The following GRIA4 variants were observed in gnomAD, a reference collection of about 807,000 sequenced individuals.
The protein encoded by GRIA4 is glutamate receptor 4.
In GRIA4, 34 loss-of-function variants were observed where a neutral mutation model predicts 104.0. That is an observed-to-expected ratio of 0.33 (90% CI 0.25 to 0.44). The LOEUF (loss-of-function observed/expected upper bound fraction) is 0.44. Ranked by LOEUF, GRIA4 falls within the 20% of genes least tolerant of loss-of-function variation. The pLI is 1.00. For synonymous variants in GRIA4, 386 were observed against 381.9 expected (o/e 1.01, Z -0.13); for missense variants, 750 against 1,096.5 (o/e 0.68, Z 4.46).
At position 105,837,040 on chromosome 11, in the gene GRIA4, G is replaced by A. The variant is rs11226862; in HGVS notation, c.488-24984G>A. Among the ~76,000 whole-genome samples, 428 of 151,872 alleles carry A rather than the reference G, an allele frequency of 2.8e-3. 3 individuals carry two copies. The highest frequency in any genetic ancestry group is 0.01 in the African/African-American group (419 of 41,440). ...GAGGCCTCAGGAAACTTACAATCATGGCAGAAGGGGAAGAGGCACATCTTA... is the reference window on the plus strand; with the variant it reads ...GAGGCCTCAGGAAACTTACAATCATAGCAGAAGGGGAAGAGGCACATCTTA... On this transcript the variant is annotated intron_variant, in intron 4 of 16. Coordinates refer to ENST00000282499, the MANE Select transcript of GRIA4 (RefSeq NM_000829.4).
At chr11:105,955,964 G>C (rs929719127) in intron 14 of GRIA4, among the ~76,000 whole-genome samples, 2 of 151,870 alleles carry the variant, frequency 1.3e-5, no homozygotes, top group African/African-American at 4.8e-5. Context: ...ATTTTTGATG[G>C]GACTGTTTGT....
At chr11:105,678,807 C>A (rs1371655570) in intron 3 of GRIA4, among the ~76,000 whole-genome samples, 2 of 151,810 alleles carry the variant, frequency 1.3e-5, no homozygotes, top group African/African-American at 2.4e-5. Context: ...ATATTATTTG[C>A]AGAAATAAAT....
chr11:105,727,827 G>A (rs1938317489), intron 3 of GRIA4, among the ~76,000 whole-genome samples: 1 of 152,150 alleles, frequency 6.6e-6, no homozygotes, highest in Admixed American at 6.5e-5. Flanking sequence ...AGCAAATGCT[G>A]AGGGATTTTG....
intron 5 of GRIA4, among the ~76,000 whole-genome samples, chr11:105,871,444 T>C (rs912527957): frequency 4.0e-5 from 6 of 151,194 alleles, no homozygotes; most frequent in African/African-American, 1.5e-4. Flanking sequence ...GGAGAGGTTT[T>C]TTTTTGTGTT....
intron 3 of GRIA4, among the ~76,000 whole-genome samples, chr11:105,682,199 G>A (rs536946504): frequency 9.9e-5 from 15 of 152,250 alleles, no homozygotes; most frequent in African/African-American, 1.9e-4. Flanking sequence ...TTGAAGTAAT[G>A]TTGAATTAAT....
intron 4 of GRIA4, among the ~76,000 whole-genome samples, chr11:105,760,552 C>A (rs10791773): frequency 0.69 from 104,288 of 152,018 alleles, 36,165 homozygotes; most frequent in African/African-American, 0.8. Context: ...GCCTTCTAAA[C>A]TATGATGCAG....
At chr11:105,803,615 A>C (rs1023918952) in intron 4 of GRIA4, among the ~76,000 whole-genome samples, 2 of 151,914 alleles carry the variant, frequency 1.3e-5, no homozygotes, top group African/African-American at 4.8e-5. Context: ...ATTTTAGATC[A>C]ATGTTCATGA....
chr11:105,739,101 T>A (rs1374764653), intron 3 of GRIA4, among the ~76,000 whole-genome samples: 1 of 152,106 alleles, frequency 6.6e-6, no homozygotes, highest in Non-Finnish European at 1.5e-5. Context: ...AGTGATGTGA[T>A]CTTTGCAGCA....
At chr11:105,823,663 T>C (rs555509169) in intron 4 of GRIA4, among the ~76,000 whole-genome samples, 2 of 152,192 alleles carry the variant, frequency 1.3e-5, no homozygotes, top group Admixed American at 6.5e-5. Context: ...ATAAGATCTA[T>C]GGATATTGCA....
chr11:105,684,344 C>T (rs1237752572), intron 3 of GRIA4, among the ~76,000 whole-genome samples: 1 of 151,898 alleles, frequency 6.6e-6, no homozygotes, highest in Non-Finnish European at 1.5e-5. Flanking sequence ...CATGGTTCCA[C>T]CAGGTATCAG....
rs139172042 is a variant in GRIA4, at chr11:105,716,842, G to A, written c.248-36139G>A. Reference sequence around the variant, plus strand: ...TCAGATGGACTCTAATCTTTAACTAGAGAATATACTATATTATAATTTAAA... The same window carrying A: ...TCAGATGGACTCTAATCTTTAACTAAAGAATATACTATATTATAATTTAAA... On this transcript the variant is annotated intron_variant, in intron 3 of 16. Transcript: ENST00000282499. Among the ~76,000 whole-genome samples the A allele has an allele frequency of 3.9e-4, 60 of 152,100 alleles. No individual in the cohort carries two copies. The East Asian group carries it at 0.011, about 28-fold the overall frequency.
chr11:105,635,845 A>G (rs1317277401), intron 3 of GRIA4, among the ~76,000 whole-genome samples: 1 of 152,216 alleles, frequency 6.6e-6, no homozygotes, highest in East Asian at 1.9e-4. Context: ...CATATATTTT[A>G]ACTGTTTTCT....
rs536755509 is a variant in GRIA4, at chr11:105,678,492, T to A, written c.247+66058T>A. Among the ~76,000 whole-genome samples the A allele has an allele frequency of 1.5e-4, 23 of 152,222 alleles. No homozygotes were observed. The South Asian group carries it at 4.1e-3, about 27-fold the overall frequency. ...TCTATTTCAATTTTCTATTCATAAGTGTTACCTCATGAATGAAATACATTT... is the reference window on the plus strand; with the variant it reads ...TCTATTTCAATTTTCTATTCATAAGAGTTACCTCATGAATGAAATACATTT... On this transcript the variant is annotated intron_variant, in intron 3 of 16. Transcript: ENST00000282499.
intron 4 of GRIA4, among the ~76,000 whole-genome samples, chr11:105,777,084 C>T (rs111970201): frequency 2.6e-5 from 4 of 152,142 alleles, no homozygotes; most frequent in Admixed American, 6.6e-5. Context: ...TGCACACACA[C>T]GGAATGTTAT....
chr11:105,957,032 G>C (rs1476867554), intron 14 of GRIA4, among the ~76,000 whole-genome samples: 3 of 152,128 alleles, frequency 2.0e-5, no homozygotes, highest in Non-Finnish European at 4.4e-5. Flanking sequence ...TGGGTAGATT[G>C]TAAAAATTTT....
At chr11:105,886,749 A>T (rs1158102443) in intron 5 of GRIA4, among the ~76,000 whole-genome samples, 2 of 152,198 alleles carry the variant, frequency 1.3e-5, no homozygotes, top group Non-Finnish European at 2.9e-5. Context: ...AACTGAAATT[A>T]GATTTTCTCT....
At chr11:105,794,761 A>C (rs138870377) in intron 4 of GRIA4, among the ~76,000 whole-genome samples, 1 of 151,316 alleles carries the variant, frequency 6.6e-6, no homozygotes, top group African/African-American at 2.4e-5. Context: ...GAGAATTGTA[A>C]ACTTCTAGAT....
At chr11:105,878,412 G>T (rs933402013) in intron 5 of GRIA4, among the ~76,000 whole-genome samples, 41 of 152,208 alleles carry the variant, frequency 2.7e-4, no homozygotes, top group Non-Finnish European at 4.4e-4. Flanking sequence ...ACGTGAGGAG[G>T]CAGTCTGTCC....
chr11:105,779,028 A>G (rs1423979334), intron 4 of GRIA4, among the ~76,000 whole-genome samples: 1 of 142,676 alleles, frequency 7.0e-6, no homozygotes, highest in Admixed American at 7.3e-5. Flanking sequence ...GAGTGAGAAC[A>G]TGCGGTGTTT....
Sources: gnomAD v4.1 joint callset for allele counts (sites outside exome capture counted in the v4.1 genomes callset) on GRCh38, gnomAD v4.1.1 for gene constraint, MANE v1.5 for transcripts, NCBI Gene and HGNC (gene_info 2026-07-23, HGNC 2026-07-21) for gene names.